ACOT11: variants seen among roughly 807,000 people sequenced by gnomAD.
ACOT11 encodes the protein acyl-coenzyme A thioesterase 11.
A neutral mutation model predicts 77.5 loss-of-function variants in ACOT11; 69 were observed. The observed-to-expected ratio is 0.89, with a 90% CI of 0.73 to 1.09. The LOEUF is 1.09. Among genes scored for constraint, ACOT11 ranks in the 50% least tolerant of loss-of-function variants. The probability of loss-of-function intolerance (pLI) is 0.00; values close to 1 mark genes in which losing one functional copy is unlikely to be tolerated. For synonymous variants in ACOT11, 279 were observed against 313.0 expected (o/e 0.89, Z 1.15); for missense variants, 766 against 813.7 (o/e 0.94, Z 0.71).
At chr1:54,604,089 G>T (rs1029291186) in intron 11 of ACOT11, 152 bp downstream of exon 11, 1 of 785,300 alleles carries the variant, frequency 1.3e-6, no homozygotes, top group Non-Finnish European at 2.1e-6. Flanking sequence ...GCTGGCCTGC[G>T]TCCCTGTTTG....
chr1:54,609,476 A>C lies in ACOT11; in HGVS notation c.*364A>C. 1 of 1,613,498 alleles carries C rather than the reference A, an allele frequency of 6.2e-7. No homozygotes were observed. Among genetic ancestry groups the C allele is most frequent in the Non-Finnish European group, 8.5e-7 (1 of 1,180,018 alleles). The stretch of plus-strand genomic sequence containing the variant: ...TATGGCTCCAGCTGTGCTGTGGCCC[A>C]GCAGCATGGCCTGCATCTGGAAGGA... On this transcript the variant is annotated 3_prime_UTR_variant, in exon 16 of 16. Transcript: ENST00000343744.
chr1:54,552,506 C>A (rs974258601), intron 1 of ACOT11, among the ~76,000 whole-genome samples: 7 of 152,108 alleles, frequency 4.6e-5, no homozygotes, highest in African/African-American at 1.7e-4. Context: ...GTTTTTGAGG[C>A]AGAGTCTCAC....
chr1:54,586,398 G>A (rs573411), intron 3 of ACOT11, among the ~76,000 whole-genome samples: 70,461 of 151,304 alleles, frequency 0.47, 17,023 homozygotes, highest in Non-Finnish European at 0.55. Context: ...GGGATGAGGA[G>A]CTCGTTACCT....
chr1:54,612,641 C>T (rs779696331), downstream of ACOT11: 9 of 1,613,956 alleles, frequency 5.6e-6, no homozygotes, highest in African/African-American at 1.3e-5. Context: ...GGGACGTGGA[C>T]ATGTAGAAGG....
At chr1:54,588,077 G>A (rs1008186239) in intron 3 of ACOT11, among the ~76,000 whole-genome samples, 11 of 151,874 alleles carry the variant, frequency 7.2e-5, no homozygotes, top group African/African-American at 2.4e-4. Context: ...GGTGATATAC[G>A]CCTGTGGTCC....
At chr1:54,560,761 G>C (rs1449708487) in intron 1 of ACOT11, among the ~76,000 whole-genome samples, 1 of 150,866 alleles carries the variant, frequency 6.6e-6, no homozygotes, top group African/African-American at 2.5e-5. Flanking sequence ...TTGCTCTGTT[G>C]CCCAGGCTGG....
chr1:54,609,923 A>G lies in ACOT11; in HGVS notation c.*811A>G, dbSNP rs777810291. ...AGTTCCCTCGAGGCCAGTGTTCAGC[A>G]GGATCATGCCTTCTGTGTCTGGAAG... is the stretch of plus-strand genomic sequence containing the variant. On this transcript the variant is annotated 3_prime_UTR_variant, in exon 16 of 16. Coordinates refer to ENST00000343744, the MANE Select transcript of ACOT11 (RefSeq NM_147161.4). 9 of 1,606,724 alleles carry G rather than the reference A, an allele frequency of 5.6e-6. No homozygotes were observed. In the East Asian group the frequency reaches 2.0e-4, roughly 36 times the overall value.
chr1:54,638,519 A>T (rs1644343130), exon 17 of ACOT11: 2 of 152,026 alleles, frequency 1.3e-5, no homozygotes, highest in African/African-American at 4.8e-5. Flanking sequence ...CACCAGGCCC[A>T]GCTACTTTTT....
intron 4 of ACOT11, among the ~76,000 whole-genome samples, chr1:54,593,256 C>T (rs1187813187): frequency 6.6e-6 from 1 of 152,032 alleles, no homozygotes; most frequent in Admixed American, 6.5e-5. Context: ...CCCCCAGGTG[C>T]CTGTTCTTGA....
rs1644287106 is a variant in ACOT11, at chr1:54,629,160, A to G, written c.1630-1574A>G. ...GAAAATAAGCAGTTCCCTGTCAACA[A>G]CCCCAAAAATCATAAGAAAATAAGG... On this transcript the variant is annotated intron_variant, in intron 15 of 16. Coordinates refer to the ACOT11 transcript ENST00000371316. 1.5e-5 allele frequency among the ~76,000 whole-genome samples: 2 copies of G among 133,320 alleles called. 1 individual carries two copies. Among genetic ancestry groups the G allele is most frequent in the African/African-American group, 5.1e-5 (2 of 39,288 alleles). 87.5% of individuals were successfully genotyped at this position (133,320 alleles called of 152,430 possible).
intron 1 of ACOT11, among the ~76,000 whole-genome samples, chr1:54,562,696 G>A (rs1211926136): frequency 7.7e-5 from 7 of 90,542 alleles, no homozygotes; most frequent in East Asian, 5.8e-4. Flanking sequence ...CAGACGGGGC[G>A]GCCGGGCAGA....
At position 54,584,011 on chromosome 1, in the gene ACOT11, T is replaced by C. The variant is rs1441364312; in HGVS notation, c.34-644T>C. ...AGAAACCCCAGCTCTAATTCATTAG[T>C]TGGAGAATTTTCTCAGCCAGTTTTC... is the stretch of plus-strand genomic sequence containing the variant. On this transcript the variant is annotated intron_variant, in intron 1 of 15. Transcript: ENST00000343744. The surrounding 1 kb of genome is among the most constrained non-coding windows in gnomAD (Gnocchi z 6.3). 6.6e-6 allele frequency among the ~76,000 whole-genome samples: 1 copy of C among 152,146 alleles called. No homozygotes were observed. The highest frequency in any genetic ancestry group is 2.4e-5 in the African/African-American group (1 of 41,430).
Position 54,609,376 on chromosome 1 carries a change from A to G in ACOT11, c.*264A>G. On this transcript the variant is annotated 3_prime_UTR_variant, in exon 16 of 16. Coordinates refer to ENST00000343744, the MANE Select transcript of ACOT11 (RefSeq NM_147161.4). ...TAGCTGCCAGCAATGCTGTCCTCACAGAGGCATAGTCGCCCCCAGCTGGGT... is the reference window on the plus strand; with the variant it reads ...TAGCTGCCAGCAATGCTGTCCTCACGGAGGCATAGTCGCCCCCAGCTGGGT... 6.2e-7 allele frequency: 1 copy of G among 1,614,146 alleles called. No homozygotes were observed. The highest frequency in any genetic ancestry group is 8.5e-7 in the Non-Finnish European group (1 of 1,180,014).
chr1:54,569,521 C>A (rs1447231345), intron 1 of ACOT11, among the ~76,000 whole-genome samples: 5 of 152,170 alleles, frequency 3.3e-5, no homozygotes, highest in Admixed American at 3.3e-4. Flanking sequence ...CAGGACTGGG[C>A]CTCATGCTGC....
intron 4 of ACOT11, among the ~76,000 whole-genome samples, 165 bp from the exon 5 acceptor site, chr1:54,593,776 G>A (rs2100989899): frequency 6.6e-6 from 1 of 152,294 alleles, no homozygotes; most frequent in East Asian, 1.9e-4. Flanking sequence ...CAAGGGCAGA[G>A]TCAAACCCCC....
At chr1:54,586,605 T>G (rs1654510928) in intron 3 of ACOT11, among the ~76,000 whole-genome samples, 1 of 152,064 alleles carries the variant, frequency 6.6e-6, no homozygotes, top group Non-Finnish European at 1.5e-5. Context: ...CTAATTTTTT[T>G]GTATTTTTAG....
chr1:54,594,188 C>G (rs1654814872), intron 5 of ACOT11, 149 bp downstream of exon 5: 7 of 682,242 alleles, frequency 1.0e-5, no homozygotes, highest in Non-Finnish European at 1.7e-5. Flanking sequence ...GGAAGGCCCA[C>G]CCCTCATTGC....
At chr1:54,623,263 G>T (rs575549324) in intron 15 of ACOT11, 5 of 1,588,756 alleles carry the variant, frequency 3.1e-6, no homozygotes, top group Non-Finnish European at 4.3e-6. Flanking sequence ...GGATGACATG[G>T]GGGGAGGCAC....
chr1:54,587,910 T>C (rs1254162220), intron 3 of ACOT11, among the ~76,000 whole-genome samples: 1 of 151,974 alleles, frequency 6.6e-6, no homozygotes, highest in Non-Finnish European at 1.5e-5. Flanking sequence ...TATAAAAACA[T>C]TGTATCTCTA....
Sources: gnomAD v4.1 joint callset for allele counts (sites outside exome capture counted in the v4.1 genomes callset) on GRCh38, gnomAD v4.1.1 for gene constraint, Gnocchi (gnomAD v3.1) non-coding constraint, MANE v1.5 for transcripts, NCBI Gene and HGNC (gene_info 2026-07-23, HGNC 2026-07-21) for gene names.